HOOK1: variants seen among roughly 807,000 people sequenced by gnomAD.
HOOK1 encodes protein Hook homolog 1.
In HOOK1, 60 loss-of-function variants were observed where a neutral mutation model predicts 112.8. The ratio of observed to expected loss-of-function variants is 0.53; its 90% CI spans 0.43 to 0.66. HOOK1 has a LOEUF of 0.66. HOOK1 is among the 30% of genes least tolerant of loss of function. HOOK1 has a pLI of 0.00. For missense variants in HOOK1, 770 were observed against 856.0 expected (o/e 0.90, Z 1.25); for synonymous variants, 294 against 283.8 (o/e 1.04, Z -0.36).
At chr1:59,830,285 G>C (rs568251184) in intron 3 of HOOK1, among the ~76,000 whole-genome samples, 21 of 152,070 alleles carry the variant, frequency 1.4e-4, no homozygotes, top group Non-Finnish European at 2.8e-4. Context: ...AGACTCTGTA[G>C]AGAGCCCTTA....
In HOOK1 at chr1:59,865,155, C is replaced by T; in HGVS notation, c.1662-8C>T. ...GAGACCAGTCTCCATGCTTTTTCTACCACTTAGGGAAAAACTCACAGAGGT... is the reference window on the plus strand; with the variant it reads ...GAGACCAGTCTCCATGCTTTTTCTATCACTTAGGGAAAAACTCACAGAGGT... On this transcript the variant is annotated splice_region_variant and splice_polypyrimidine_tract_variant and intron_variant, in intron 17 of 21. Coordinates refer to ENST00000371208, the MANE Select transcript of HOOK1 (RefSeq NM_015888.6). The T allele has an allele frequency of 6.4e-7, 1 of 1,569,046 alleles. No homozygotes were observed. The highest frequency in any genetic ancestry group is 8.8e-7 in the Non-Finnish European group (1 of 1,139,364).
intron 16 of HOOK1, among the ~76,000 whole-genome samples, chr1:59,863,224 T>C (rs1373673809): frequency 1.3e-5 from 2 of 152,184 alleles, no homozygotes; most frequent in Non-Finnish European, 2.9e-5. Flanking sequence ...TCTGCTGGAA[T>C]TCCAACAGGG....
chr1:59,860,202 G>A lies in HOOK1; in HGVS notation c.1406G>A (p.Arg469Gln), dbSNP rs754687993. 19 of 1,600,424 alleles carry A rather than the reference G, an allele frequency of 1.2e-5. No homozygotes were observed. The highest frequency in any genetic ancestry group is 1.0e-4 in the South Asian group (9 of 87,908). ...TGTAACATCAGGGAGGTGTTTATTC[G>A]ACTGCAACATGAAAATAAGATGCTT... ...MPVEYREVFI[R>Q]LQHENKMLRL... The change falls in exon 15 of 22, where the codon CGA (arginine) becomes CAA (glutamine). Residue 469 changes from arginine (R) to glutamine (Q), a missense_variant. By Grantham distance (43) the Arg-to-Gln change is conservative (BLOSUM62 1). This residue lies in a region of HOOK1 where 655 missense variants were observed against 725.9 expected (regional missense o/e 0.90). Coordinates refer to ENST00000371208, the MANE Select transcript of HOOK1 (RefSeq NM_015888.6).
intron 2 of HOOK1, among the ~76,000 whole-genome samples, chr1:59,826,850 T>TCTCCTGAGTTCAAGCGATGCTCCTGC (rs2098390322): frequency 1.3e-5 from 2 of 152,140 alleles, no homozygotes; most frequent in African/African-American, 4.8e-5. Context: ...GCAACTTCTG[T>TCTCCTGAGTTCAAGCGATGCTCCTGC]CTCCTGAGTT....
rs146647335 is a variant in HOOK1 at position 59,823,307 on chromosome 1, A to G, written c.149+1364A>G. On this transcript the variant is annotated intron_variant, in intron 2 of 21. Transcript: ENST00000371208. ...TGCACTCCAGCCTGGGTGACAGAGC[A>G]AGACTCCGTCTCAAAAAACAAAAAA... 8.9e-3 allele frequency among the ~76,000 whole-genome samples: 1,354 copies of G among 152,342 alleles called. 19 individuals are homozygous for G. Among genetic ancestry groups the G allele is most frequent in the Non-Finnish European group, 0.014 (926 of 68,020 alleles).
At chr1:59,833,715 T>C (rs1330699809) in intron 5 of HOOK1, among the ~76,000 whole-genome samples, 178 bp downstream of exon 5, 1 of 152,206 alleles carries the variant, frequency 6.6e-6, no homozygotes, top group African/African-American at 2.4e-5. Flanking sequence ...TTGAGTGTCC[T>C]ATTTGTACCT....
chr1:59,815,028 G>T lies in HOOK1; in HGVS notation c.-90G>T, dbSNP rs989660176. Reference sequence around the variant, plus strand: ...GGCCTGGTACCGAGCTTTCCTGGGGGCTAGCAGGTCGTGGACGCCGGCTCC... The same window carrying T: ...GGCCTGGTACCGAGCTTTCCTGGGGTCTAGCAGGTCGTGGACGCCGGCTCC... On this transcript the variant is annotated 5_prime_UTR_variant, in exon 1 of 22. Coordinates refer to ENST00000371208, the MANE Select transcript of HOOK1 (RefSeq NM_015888.6). The T allele has an allele frequency of 1.2e-4, 161 of 1,329,494 alleles. No individual in the cohort carries two copies. Among genetic ancestry groups the T allele is most frequent in the Non-Finnish European group, 1.7e-4 (159 of 960,302 alleles). 82.4% of individuals were successfully genotyped at this position (1,329,494 alleles called of 1,614,324 possible). A position where few individuals can be genotyped will look rare whatever the true frequency, so the allele number is the denominator to read the frequency against.
At chr1:59,854,038 A>ATATATATATTT (rs1559057062) in intron 12 of HOOK1, among the ~76,000 whole-genome samples, 1 of 11,440 alleles carries the variant, frequency 8.7e-5, no homozygotes, top group Non-Finnish European at 1.3e-4. Context: ...ATATATATAT[A>ATATATATATTT]TTTTTTTTTT....
chr1:59,861,275 G>A (rs10493268), intron 15 of HOOK1, among the ~76,000 whole-genome samples: 11,159 of 152,232 alleles, frequency 0.073, 412 homozygotes, highest in African/African-American at 0.11. Flanking sequence ...TTTGACAAAT[G>A]AATAAATGAC....
intron 7 of HOOK1, among the ~76,000 whole-genome samples, chr1:59,839,288 C>T (rs1452482497): frequency 2.6e-5 from 4 of 152,166 alleles, no homozygotes; most frequent in Non-Finnish European, 4.4e-5. Flanking sequence ...TTACCTTGGG[C>T]AGTATGGCCA....
chr1:59,858,937 A>G (rs775739570), intron 13 of HOOK1, 48 bp from the exon 14 acceptor site: 1 of 1,173,880 alleles, frequency 8.5e-7, no homozygotes, highest in Non-Finnish European at 1.3e-6. Flanking sequence ...GGGTTTTTTA[A>G]AATAGTTGAA....
chr1:59,855,300 T>C (rs1171621999), intron 12 of HOOK1, among the ~76,000 whole-genome samples: 1 of 152,186 alleles, frequency 6.6e-6, no homozygotes, highest in Non-Finnish European at 1.5e-5. Flanking sequence ...CCCTCTGCTC[T>C]CAAGTAAACC....
chr1:59,860,373 C>T (rs200495865), intron 15 of HOOK1, 45 bp downstream of exon 15: 16 of 1,423,182 alleles, frequency 1.1e-5, no homozygotes, highest in East Asian at 5.1e-5. Context: ...ATTTTATTAC[C>T]GAGCCATAAA....
chr1:59,862,656 A>T, intron 15 of HOOK1, 128 bp from the exon 16 acceptor site: 1 of 600,678 alleles, frequency 1.7e-6, no homozygotes, highest in Non-Finnish European at 3.1e-6. Flanking sequence ...GGCACAGATA[A>T]TTATTCCGCA....
At chr1:59,843,689 T>C (rs1280338293) in intron 9 of HOOK1, 91 bp downstream of exon 9, 1 of 986,680 alleles carries the variant, frequency 1.0e-6, no homozygotes, top group Non-Finnish European at 1.5e-6. Flanking sequence ...TACTAAGCAT[T>C]GTTAAGCATC....
chr1:59,835,436 AG>A (rs1160440168), intron 6 of HOOK1, 24 bp downstream of exon 6: 14 of 1,395,688 alleles, frequency 1.0e-5, no homozygotes, highest in Non-Finnish European at 1.2e-5. Context: ...TGTTCCTATG[AG>A]TATAAAAATC....
At chr1:59,872,014 T>C (rs1644061871) in intron 21 of HOOK1, among the ~76,000 whole-genome samples, 1 of 152,228 alleles carries the variant, frequency 6.6e-6, no homozygotes, top group Admixed American at 6.5e-5. Flanking sequence ...ATTTATTTGT[T>C]CTTCCATGAC....
chr1:59,825,195 A>G (rs950664042), intron 2 of HOOK1, among the ~76,000 whole-genome samples: 2 of 152,170 alleles, frequency 1.3e-5, no homozygotes, highest in African/African-American at 2.4e-5. Flanking sequence ...TACCTTTATT[A>G]CATACATGAA....
intron 12 of HOOK1, among the ~76,000 whole-genome samples, chr1:59,854,804 G>A (rs1040391714): frequency 6.6e-6 from 1 of 152,070 alleles, no homozygotes; most frequent in Non-Finnish European, 1.5e-5. Flanking sequence ...TGAATTTGTT[G>A]AATTTCTTAG....
Sources: allele counts gnomAD v4.1 joint callset (sites outside exome capture counted in the v4.1 genomes callset), GRCh38; gene constraint gnomAD v4.1.1; regional missense constraint gnomAD v4.1.1; transcripts MANE v1.5; gene names NCBI Gene and HGNC (gene_info 2026-07-23, HGNC 2026-07-21).